Variants in TMEM272 observed in about 807,000 individuals in gnomAD.
TMEM272 encodes the protein long intergenic non-protein coding RNA 282.
TMEM272 carries 8 observed loss-of-function variants against 3.7 expected under a neutral mutation model. That is an observed-to-expected ratio of 2.17 (90% CI 1.27 to 3.91). TMEM272 has a LOEUF of 3.91. TMEM272 is among the 30% of genes most tolerant of loss of function. TMEM272 has a pLI of 0.00. For synonymous variants in TMEM272, 63 were observed against 39.8 expected (o/e 1.58, Z -2.20); for missense variants, 166 against 91.5 (o/e 1.81, Z -3.32).
chr13:51,914,710 G>A, the TMEM272 span, among the ~76,000 whole-genome samples: 9 of 152,334 alleles, frequency 5.9e-5, no homozygotes, highest in Admixed American at 2.0e-4. Flanking sequence ...CTGGCTCCTC[G>A]GAGTGTGGCC....
chr13:51,840,080 C>A (rs971456707), intron 1 of TMEM272, among the ~76,000 whole-genome samples: 7 of 152,114 alleles, frequency 4.6e-5, no homozygotes, highest in African/African-American at 1.7e-4. Flanking sequence ...ACAGAGAAAA[C>A]CAAGATTCAG....
chr13:51,867,643 C>T, the TMEM272 span, among the ~76,000 whole-genome samples: 47 of 152,220 alleles, frequency 3.1e-4, no homozygotes, highest in Middle Eastern at 6.8e-3. Context: ...GAAAAATTGG[C>T]GCTGGGAAAG....
At chr13:51,915,823 C>G in the TMEM272 span, among the ~76,000 whole-genome samples, 1 of 152,192 alleles carries the variant, frequency 6.6e-6, no homozygotes, top group African/African-American at 2.4e-5. Flanking sequence ...CCTGTAAATC[C>G]CAACACTTTG....
the TMEM272 span, among the ~76,000 whole-genome samples, chr13:51,871,604 C>T: frequency 6.6e-6 from 1 of 152,070 alleles, no homozygotes; most frequent in Non-Finnish European, 1.5e-5. Flanking sequence ...AGCAGAACCT[C>T]CAGACTGAGC....
chr13:51,928,867 T>C, the TMEM272 span, among the ~76,000 whole-genome samples: 1 of 152,154 alleles, frequency 6.6e-6, no homozygotes, highest in African/African-American at 2.4e-5. Context: ...GTGAGCCCTT[T>C]AAAAACCTTT....
At chr13:51,908,697 A>T in the TMEM272 span, 5,357 of 1,474,280 alleles carry the variant, frequency 3.6e-3, 21 homozygotes, top group African/African-American at 5.2e-3. Context: ...CAAAGAAGGT[A>T]TATTAAAACT....
At chr13:51,878,095 G>C in the TMEM272 span, among the ~76,000 whole-genome samples, 1 of 152,192 alleles carries the variant, frequency 6.6e-6, no homozygotes, top group Non-Finnish European at 1.5e-5. Context: ...ATGGCGGCAG[G>C]GAGAAGTGCC....
At chr13:51,817,797 T>C (rs1263073994) in intron 4 of TMEM272, among the ~76,000 whole-genome samples, 1 of 152,120 alleles carries the variant, frequency 6.6e-6, no homozygotes, top group Non-Finnish European at 1.5e-5. Context: ...GTGATACTCT[T>C]GGGGGACAGA....
chr13:51,930,690 A>T, the TMEM272 span: 1 of 151,924 alleles, frequency 6.6e-6, no homozygotes, highest in African/African-American at 2.4e-5. Context: ...AAAATTGTCT[A>T]ACTCAATTGT....
At chr13:51,924,880 C>T in the TMEM272 span, among the ~76,000 whole-genome samples, 1 of 152,182 alleles carries the variant, frequency 6.6e-6, no homozygotes, top group Admixed American at 6.5e-5. Flanking sequence ...GATCTCTTCT[C>T]TGTATCTGAT....
the TMEM272 span, among the ~76,000 whole-genome samples, chr13:51,900,465 A>T: frequency 6.6e-6 from 1 of 152,210 alleles, no homozygotes; most frequent in African/African-American, 2.4e-5. Flanking sequence ...GACAGACAAT[A>T]ACAGTGTTGG....
chr13:51,850,289 A>G, the TMEM272 span, among the ~76,000 whole-genome samples: 1 of 152,202 alleles, frequency 6.6e-6, no homozygotes, highest in East Asian at 1.9e-4. Flanking sequence ...TGATTTCCTT[A>G]TAATATTTAT....
At chr13:51,906,044 G>A in the TMEM272 span, among the ~76,000 whole-genome samples, 3 of 152,220 alleles carry the variant, frequency 2.0e-5, no homozygotes. Context: ...CTGGGAGCCA[G>A]TGTGGCTCCT....
the TMEM272 span, among the ~76,000 whole-genome samples, chr13:51,859,782 T>A: frequency 3.3e-5 from 5 of 152,306 alleles, no homozygotes; most frequent in African/African-American, 1.2e-4. Flanking sequence ...TATATTATTT[T>A]AAGTGTCCAA....
chr13:51,878,361 C>G, the TMEM272 span, among the ~76,000 whole-genome samples: 2 of 152,058 alleles, frequency 1.3e-5, no homozygotes, highest in African/African-American at 4.8e-5. Flanking sequence ...ACCCGAGAGG[C>G]GGAGGTTGCG....
At chr13:51,892,177 C>G in the TMEM272 span, among the ~76,000 whole-genome samples, 2 of 152,180 alleles carry the variant, frequency 1.3e-5, no homozygotes, top group Middle Eastern at 3.2e-3. Flanking sequence ...TCAGGAAGAG[C>G]AGGACTAGTC....
At chr13:51,820,484 C>CA (rs1181387504) in intron 4 of TMEM272, among the ~76,000 whole-genome samples, 3 of 152,050 alleles carry the variant, frequency 2.0e-5, no homozygotes, top group Non-Finnish European at 4.4e-5. Flanking sequence ...ATTGCCAGGG[C>CA]AAAAAATCAA....
chr13:51,884,977 C>T, the TMEM272 span, among the ~76,000 whole-genome samples: 72 of 152,324 alleles, frequency 4.7e-4, no homozygotes, highest in East Asian at 6.7e-3. Context: ...ACCTACACAA[C>T]GGTCTCAGGC....
the TMEM272 span, chr13:51,865,548 T>C: frequency 1.3e-5 from 21 of 1,613,904 alleles, no homozygotes; most frequent in South Asian, 1.9e-4. Flanking sequence ...GAGATGAAAA[T>C]TTTTCGTGAA....
Sources: allele counts gnomAD v4.1 joint callset (sites outside exome capture counted in the v4.1 genomes callset), GRCh38; gene constraint gnomAD v4.1.1; transcripts MANE v1.5; gene names NCBI Gene and HGNC (gene_info 2026-07-23, HGNC 2026-07-21).